Variants in CCDC62 observed in about 807,000 individuals in gnomAD.
The protein encoded by CCDC62 is coiled-coil domain containing 62, also known as coiled-coil domain-containing protein 62.
Under a neutral mutation model 80.8 loss-of-function variants are expected in CCDC62, and 72 were observed. That is an observed-to-expected ratio of 0.89 (90% confidence interval 0.74 to 1.08). CCDC62 has a LOEUF of 1.08. CCDC62 is among the 50% of genes least tolerant of loss of function. The pLI, the probability that CCDC62 is intolerant of heterozygous loss-of-function variation, is 0.00. For missense variants in CCDC62, 704 were observed against 809.4 expected (o/e 0.87, Z 1.58); for synonymous variants, 286 against 296.5 (o/e 0.96, Z 0.36).
At position 122,787,566 on chromosome 12, in the gene CCDC62, A is replaced by G. The variant is rs149852916; in HGVS notation, c.499-1192A>G. 1.6e-3 allele frequency among the ~76,000 whole-genome samples: 248 copies of G among 151,922 alleles called. 1 individual carries two copies. Among genetic ancestry groups the G allele is most frequent in the African/African-American group, 5.8e-3 (240 of 41,420 alleles). On this transcript the variant is annotated intron_variant, in intron 4 of 12. Coordinates refer to ENST00000253079, the MANE Select transcript of CCDC62 (RefSeq NM_201435.5). ...AGAGATTGAGACCATCCTGGCTAAC[A>G]TGGTGAAACCTCATCTATTTTTAAA...
chr12:122,814,360 C>T (rs1185230893), intron 11 of CCDC62, among the ~76,000 whole-genome samples: 4 of 151,298 alleles, frequency 2.6e-5, no homozygotes, highest in African/African-American at 7.3e-5. Flanking sequence ...AAGAATGGCA[C>T]GGTCACTCAC....
In CCDC62 at chr12:122,807,936, A is replaced by C. The variant is rs2031690628; in HGVS notation, c.1851+1641A>C. ...ACTTATGTGACTGTGTATATAAATA[A>C]TTCCTTTTTGTTGCTGACAAGTATC... On this transcript the variant is annotated intron_variant, in intron 10 of 12. Transcript: ENST00000253079. Among the ~76,000 whole-genome samples the C allele has an allele frequency of 2.6e-5, 4 of 152,160 alleles. No homozygotes were observed. In the South Asian group the frequency reaches 8.3e-4, roughly 32 times the overall value.
At chr12:122,779,200 G>T (rs1879670018) in intron 2 of CCDC62, among the ~76,000 whole-genome samples, 1 of 152,182 alleles carries the variant, frequency 6.6e-6, no homozygotes, top group Non-Finnish European at 1.5e-5. Context: ...GTTCTCATTA[G>T]TAGTTAGGGA....
chr12:122,785,600 TACTA>T (rs1328870482), intron 3 of CCDC62, 115 bp from the exon 4 acceptor site: 3 of 710,486 alleles, frequency 4.2e-6, no homozygotes, highest in East Asian at 2.5e-5. Context: ...TCTTTTTTGT[TACTA>T]ACGAGTTAAA....
At chr12:122,789,040 A>G in intron 5 of CCDC62, 111 bp downstream of exon 5, 1 of 775,364 alleles carries the variant, frequency 1.3e-6, no homozygotes, top group Non-Finnish European at 2.0e-6. Flanking sequence ...CTGGCCTTAG[A>G]CCCTAACGTG....
chr12:122,774,766 C>A lies in CCDC62; in HGVS notation c.36+60C>A, dbSNP rs1002142157. The A allele has an allele frequency of 6.8e-6, 8 of 1,178,466 alleles. No individual in the cohort carries two copies. The African/African-American group carries it at 1.1e-4, about 16-fold the overall frequency. The allele number at this position is 1,178,466 out of a possible 1,614,324, so 73.0% of individuals were successfully genotyped here. ...GGGAACGGTGCACATTGGTCGAAAT[C>A]TATTGCTTCTCAAGAACGGTGTCTA... is the stretch of plus-strand genomic sequence containing the variant. On this transcript the variant is annotated intron_variant, in intron 1 of 12. Transcript: ENST00000253079.
intron 9 of CCDC62, among the ~76,000 whole-genome samples, chr12:122,804,279 G>A (rs927302223): frequency 1.2e-4 from 18 of 152,276 alleles, no homozygotes; most frequent in Admixed American, 1.2e-3. Context: ...CTGAGGTCAG[G>A]AGGTCGAGAC....
intron 12 of CCDC62, among the ~76,000 whole-genome samples, chr12:122,823,847 G>A (rs1196267506): frequency 1.3e-5 from 2 of 151,774 alleles, no homozygotes; most frequent in African/African-American, 2.4e-5. Context: ...TTAGCCAGGC[G>A]CGGTAGTGGG....
chr12:122,785,759 C>A lies in CCDC62; in HGVS notation c.437C>A (p.Ser146Tyr), dbSNP rs1200994054. 6.2e-7 allele frequency: 1 copy of A among 1,614,022 alleles called. No homozygotes were observed. Among genetic ancestry groups the A allele is most frequent in the South Asian group, 1.1e-5 (1 of 91,084 alleles). ...CTCAGCAACACGTTAGTGGAACTTT[C>A]TGCCCAGGTAGGACAGCTACAAGCT... ...ETLSNTLVELSAQVGQLQARE... is the reference protein window; with the variant it reads ...ETLSNTLVELYAQVGQLQARE... Residue 146 changes from serine (S) to tyrosine (Y), a missense_variant, in exon 4 of 13, where the codon TCT (serine) becomes TAT (tyrosine). Physicochemically the swap from Ser to Tyr is moderately radical, Grantham distance 144. Coordinates refer to ENST00000253079, the MANE Select transcript of CCDC62 (RefSeq NM_201435.5).
chr12:122,813,023 T>G (rs933954869), intron 10 of CCDC62, among the ~76,000 whole-genome samples: 1 of 94,690 alleles, frequency 1.1e-5, no homozygotes. Context: ...CATAGTGAGA[T>G]CCCACCTCTA....
At chr12:122,824,553 C>T (rs1308805025) in intron 12 of CCDC62, among the ~76,000 whole-genome samples, 2 of 152,180 alleles carry the variant, frequency 1.3e-5, no homozygotes, top group African/African-American at 4.8e-5. Flanking sequence ...AACACTTTTA[C>T]ACTGCTGGTG....
intron 6 of CCDC62, among the ~76,000 whole-genome samples, chr12:122,795,067 C>T (rs991598542): frequency 1.3e-4 from 20 of 151,232 alleles, no homozygotes; most frequent in African/African-American, 4.6e-4. Context: ...TGTTTTTTTT[C>T]GGAGATGGAG....
chr12:122,813,035 C>CA (rs35070882), intron 10 of CCDC62, among the ~76,000 whole-genome samples: 82 of 149,870 alleles, frequency 5.5e-4, no homozygotes, highest in Middle Eastern at 6.8e-3. Context: ...CCACCTCTAC[C>CA]AAAAAAAAAA....
intron 3 of CCDC62, among the ~76,000 whole-genome samples, chr12:122,781,685 CA>C (rs200444250): frequency 0.14 from 19,499 of 136,572 alleles, 2,142 homozygotes; most frequent in African/African-American, 0.31. Flanking sequence ...AACTCTGTCT[CA>C]AAAAAAAAAA....
At chr12:122,802,417 T>TC (rs1211637096) in intron 9 of CCDC62, among the ~76,000 whole-genome samples, 2 of 150,498 alleles carry the variant, frequency 1.3e-5, no homozygotes, top group East Asian at 3.9e-4. Context: ...ACACTTTTTT[T>TC]TTTTTTTTTT....
At chr12:122,804,811 G>C (rs1034440737) in intron 9 of CCDC62, among the ~76,000 whole-genome samples, 100 of 150,946 alleles carry the variant, frequency 6.6e-4, no homozygotes, top group Admixed American at 4.0e-4. Context: ...TCTAACTCCT[G>C]GGCTCAGGTG....
At chr12:122,814,395 T>C (rs966924785) in intron 11 of CCDC62, among the ~76,000 whole-genome samples, 1 of 148,746 alleles carries the variant, frequency 6.7e-6, no homozygotes, top group African/African-American at 2.5e-5. Context: ...GATTTTATCT[T>C]ACCCCATCCA....
Position 122,785,343 on chromosome 12 carries a change from T to C in CCDC62, c.397-376T>C, listed in dbSNP as rs568534640. On this transcript the variant is annotated intron_variant, in intron 3 of 12. Transcript: ENST00000253079. ...CTTTATTTCAACAAAGGAAATCTCT[T>C]ACTAATACAGTTCTCATTCATTCAT... 3.3e-5 allele frequency among the ~76,000 whole-genome samples: 5 copies of C among 152,336 alleles called. No individual in the cohort carries two copies. The South Asian group carries it at 1.0e-3, about 32-fold the overall frequency.
chr12:122,802,727 A>T (rs1007567761), intron 9 of CCDC62, among the ~76,000 whole-genome samples: 5 of 151,980 alleles, frequency 3.3e-5, no homozygotes, highest in African/African-American at 2.4e-5. Context: ...ACACATTTTT[A>T]AAAAATTGTT....
Sources: allele counts gnomAD v4.1 joint callset (sites outside exome capture counted in the v4.1 genomes callset), GRCh38; gene constraint gnomAD v4.1.1; transcripts MANE v1.5; gene names NCBI Gene and HGNC (gene_info 2026-07-23, HGNC 2026-07-21).